TBXA2R: variants seen among roughly 807,000 people sequenced by gnomAD.
TBXA2R encodes prostanoid TP receptor.
Under a neutral mutation model 15.6 loss-of-function variants are expected in TBXA2R, and 15 were observed. The observed-to-expected ratio is 0.96, with a 90% CI of 0.64 to 1.48. The LOEUF is 1.48. TBXA2R is among the 40% of genes most tolerant of loss of function. TBXA2R has a pLI of 0.00. For synonymous variants in TBXA2R, 280 were observed against 241.2 expected (o/e 1.16, Z -1.49); for missense variants, 506 against 491.4 (o/e 1.03, Z -0.28).
rs10415853 is a variant in TBXA2R, at chr19:3,599,625, T to C, written c.786+224A>G. On this transcript the variant is annotated intron_variant, in intron 2 of 2. Transcript: ENST00000375190. ...GATTACAGGCGTGAGCCACCACGCC[T>C]GGCCTTAATTTTTGTATTTTTAGTA... 0.65 allele frequency among the ~76,000 whole-genome samples: 98,546 copies of C among 151,680 alleles called. 33,311 individuals are homozygous for C. The highest frequency in any genetic ancestry group is 0.78 in the African/African-American group (32,285 of 41,402).
At chr19:3,600,762 A>T in intron 1 of TBXA2R, 45 bp from the exon 2 acceptor site, 1 of 1,054,790 alleles carries the variant, frequency 9.5e-7, no homozygotes, top group Non-Finnish European at 1.4e-6. Context: ...TCTGCATTTC[A>T]GTGTAAGTAG....
rs199574664 is a variant in TBXA2R, at chr19:3,595,648, G to A, written c.*40C>T. ...AGATGGGCTGTCCGAGGGGCCAAGG[G>A]CTCCGCGGAAAGGCGCGGGAGGGGC... On this transcript the variant is annotated 3_prime_UTR_variant, in exon 3 of 3. Coordinates refer to ENST00000375190, the MANE Select transcript of TBXA2R (RefSeq NM_001060.6). The A allele has an allele frequency of 1.2e-5, 18 of 1,533,974 alleles. No homozygotes were observed. In the African/African-American group the frequency reaches 1.4e-4, roughly 12 times the overall value.
At chr19:3,603,922 C>T (rs995791949) in intron 1 of TBXA2R, among the ~76,000 whole-genome samples, 4 of 152,174 alleles carry the variant, frequency 2.6e-5, no homozygotes, top group African/African-American at 2.4e-5. Context: ...GGCCCCCACG[C>T]GGTGGGGCAG....
At chr19:3,598,350 C>CTTTTTTTTTTTT (rs1177792648) in intron 2 of TBXA2R, among the ~76,000 whole-genome samples, 1 of 56,574 alleles carries the variant, frequency 1.8e-5, no homozygotes, top group African/African-American at 6.2e-5. Context: ...CTTTTCTTTT[C>CTTTTTTTTTTTT]TTTTTTTTTT....
At chr19:3,597,570 G>T (rs1328715517) in intron 2 of TBXA2R, among the ~76,000 whole-genome samples, 2 of 151,948 alleles carry the variant, frequency 1.3e-5, no homozygotes, top group East Asian at 1.9e-4. Context: ...GGCAGAGGTT[G>T]CAGTGAGCTA....
In TBXA2R at chr19:3,594,930, C is replaced by T. The variant is rs533698062; in HGVS notation, c.*758G>A. 5 of 1,536,358 alleles carry T rather than the reference C, an allele frequency of 3.3e-6. No individual in the cohort carries two copies. The African/African-American group carries it at 5.5e-5, about 17-fold the overall frequency. Reference sequence around the variant, plus strand: ...GTCAAATTCAGGGTCAAAGAGCATGCAAGGCCGGGCGCAGTGGCTTACGCC... The same window carrying T: ...GTCAAATTCAGGGTCAAAGAGCATGTAAGGCCGGGCGCAGTGGCTTACGCC... On this transcript the variant is annotated 3_prime_UTR_variant, in exon 3 of 3. Transcript: ENST00000375190.
Position 3,600,352 on chromosome 19 carries a change from A to C in TBXA2R, c.283T>G (p.Trp95Gly). The C allele has an allele frequency of 1.2e-6, 2 of 1,613,286 alleles. No individual in the cohort carries two copies. Among genetic ancestry groups the C allele is most frequent in the Non-Finnish European group, 8.5e-7 (1 of 1,179,830 alleles). The change falls in exon 2 of 3, where the codon TGG becomes GGG. Residue 95 changes from tryptophan (W) to glycine (G), a missense_variant. Coordinates refer to ENST00000375190, the MANE Select transcript of TBXA2R (RefSeq NM_001060.6). ...CGGCAGCCAGGGTCCACGGCGTGCCACTCGAAGAGCGCGGCGTGCTGGGAC... is the reference window on the plus strand; with the variant it reads ...CGGCAGCCAGGGTCCACGGCGTGCCCCTCGAAGAGCGCGGCGTGCTGGGAC... Reference protein sequence around the residue: ...VVSQHAALFEWHAVDPGCRLC... With the variant: ...VVSQHAALFEGHAVDPGCRLC...
chr19:3,599,751 G>A, intron 2 of TBXA2R, 98 bp downstream of exon 2: 5 of 1,518,456 alleles, frequency 3.3e-6, no homozygotes, highest in Non-Finnish European at 4.5e-6. Context: ...ACCGGCGTGA[G>A]CCACCGCGCC....
rs1258786649 is a variant in TBXA2R, at chr19:3,595,756, G to A, written c.964C>T (p.Arg322Cys). The change falls in exon 3 of 3, where the codon CGC (arginine) becomes TGC (cysteine). Residue 322 changes from arginine to cysteine, a missense_variant. Arg to Cys is a radical substitution (Grantham distance 180). Coordinates refer to ENST00000375190, the MANE Select transcript of TBXA2R (RefSeq NM_001060.6). ...RRAVLRRLQP[R>C]LSTRPRSLSL... ...AGCGACCTGGGCCGGGTGCTGAGGC[G>A]AGGCTGGAGACGCCGGAGCACGGCG... 5 of 1,607,224 alleles carry A rather than the reference G, an allele frequency of 3.1e-6. No homozygotes were observed. Among genetic ancestry groups the A allele is most frequent in the African/African-American group, 2.7e-5 (2 of 74,890 alleles).
chr19:3,595,004 C>G lies in TBXA2R; in HGVS notation c.*684G>C. 1 of 1,459,212 alleles carries G rather than the reference C, an allele frequency of 6.9e-7. No homozygotes were observed. The highest frequency in any genetic ancestry group is 9.2e-7 in the Non-Finnish European group (1 of 1,089,328). 90.4% of individuals were successfully genotyped at this position (1,459,212 alleles called of 1,614,324 possible). A position where few individuals can be genotyped will look rare whatever the true frequency, so the allele number is the denominator to read the frequency against. On this transcript the variant is annotated 3_prime_UTR_variant, in exon 3 of 3. Coordinates refer to ENST00000375190, the MANE Select transcript of TBXA2R (RefSeq NM_001060.6). ...CTGAGGCACGAGAATCGCTTGAACC[C>G]GGGAGGCGGAGGTTGCAGTGAGCCG...
intron 2 of TBXA2R, among the ~76,000 whole-genome samples, 178 bp from the exon 3 acceptor site, chr19:3,596,111 C>G (rs1486033564): frequency 6.6e-6 from 1 of 152,202 alleles, no homozygotes; most frequent in Non-Finnish European, 1.5e-5. Context: ...TCATTGCAAC[C>G]TCTGCCTCCC....
intron 1 of TBXA2R, among the ~76,000 whole-genome samples, chr19:3,602,048 T>C (rs866697126): frequency 1.3e-3 from 189 of 150,810 alleles, no homozygotes; most frequent in Middle Eastern, 6.9e-3. Context: ...AGTGAAACCC[T>C]GTCTCTACTA....
At position 3,598,909 on chromosome 19, in the gene TBXA2R, C is replaced by A. The variant is rs558663003; in HGVS notation, c.786+940G>T. 1.4e-3 allele frequency among the ~76,000 whole-genome samples: 215 copies of A among 152,256 alleles called. 3 individuals carry two copies. Among genetic ancestry groups the A allele is most frequent in the African/African-American group, 5.0e-3 (207 of 41,538 alleles). On this transcript the variant is annotated intron_variant, in intron 2 of 2. Coordinates refer to ENST00000375190, the MANE Select transcript of TBXA2R (RefSeq NM_001060.6). ...GGTCTCCATCTCTTGACCTCATGAT[C>A]TGCCCGCCTCTGCCTCACAAAGTGC...
At chr19:3,606,375 G>C (rs975576718) in intron 1 of TBXA2R, among the ~76,000 whole-genome samples, 155 bp downstream of exon 1, 1 of 152,192 alleles carries the variant, frequency 6.6e-6, no homozygotes, top group Non-Finnish European at 1.5e-5. Context: ...CATGCCACCC[G>C]CCGGGCCACA....
intron 1 of TBXA2R, among the ~76,000 whole-genome samples, chr19:3,606,291 G>C (rs1407766851): frequency 6.6e-6 from 1 of 152,142 alleles, no homozygotes; most frequent in Non-Finnish European, 1.5e-5. Context: ...AGACCAGAGA[G>C]CCCCCCGGAC....
chr19:3,599,380 A>G (rs529246322), intron 2 of TBXA2R, among the ~76,000 whole-genome samples: 2 of 148,924 alleles, frequency 1.3e-5, no homozygotes, highest in Non-Finnish European at 1.5e-5. Context: ...CCCAGGCTGG[A>G]GTGCAGTGGC....
In TBXA2R at chr19:3,594,995, G is replaced by T; in HGVS notation, c.*693C>A. The T allele has an allele frequency of 1.3e-6, 2 of 1,505,098 alleles. No individual in the cohort carries two copies. The highest frequency in any genetic ancestry group is 1.8e-6 in the Non-Finnish European group (2 of 1,122,338). 93.2% of individuals were successfully genotyped at this position (1,505,098 alleles called of 1,614,324 possible). A position where few individuals can be genotyped will look rare whatever the true frequency, so the allele number is the denominator to read the frequency against. ...CTCGGGAGGCTGAGGCACGAGAATC[G>T]CTTGAACCCGGGAGGCGGAGGTTGC... is the stretch of plus-strand genomic sequence containing the variant. On this transcript the variant is annotated 3_prime_UTR_variant, in exon 3 of 3. Transcript: ENST00000375190.
At chr19:3,596,210 G>T (rs903947073) in intron 2 of TBXA2R, among the ~76,000 whole-genome samples, 1 of 151,900 alleles carries the variant, frequency 6.6e-6, no homozygotes, top group Admixed American at 6.6e-5. Context: ...TGTATTTTTC[G>T]TAGAGATGGG....
At chr19:3,603,416 C>T (rs532518268) in intron 1 of TBXA2R, among the ~76,000 whole-genome samples, 1 of 152,324 alleles carries the variant, frequency 6.6e-6, no homozygotes, top group African/African-American at 2.4e-5. Context: ...TTCCTCGCGG[C>T]CTCTGGCGAT....
Sources: allele counts gnomAD v4.1 joint callset (sites outside exome capture counted in the v4.1 genomes callset), GRCh38; gene constraint gnomAD v4.1.1; transcripts MANE v1.5; gene names NCBI Gene and HGNC (gene_info 2026-07-23, HGNC 2026-07-21).